Variants in DDX60 observed in about 807,000 individuals in gnomAD.
The protein encoded by DDX60 is DExD/H-box helicase 60.
Under a neutral mutation model 212.8 loss-of-function variants are expected in DDX60, and 165 were observed. The observed-to-expected ratio is 0.78, with a 90% confidence interval of 0.68 to 0.88. The LOEUF is 0.88. DDX60 is among the 40% of genes least tolerant of loss of function. The pLI is 0.00. For synonymous variants in DDX60, 703 were observed against 685.3 expected, an observed-to-expected ratio of 1.03 and a Z score of -0.40; for missense variants, 1,905 against 2,003.9, an observed-to-expected ratio of 0.95 and a Z score of 0.94.
upstream of DDX60, among the ~76,000 whole-genome samples, chr4:168,319,071 GAA>G (rs570176274): frequency 8.3e-4 from 126 of 152,242 alleles, no homozygotes; most frequent in African/African-American, 2.8e-3. Flanking sequence ...TCATCACAAA[GAA>G]ATAGTAAAGT....
rs550497152 is a variant in DDX60, at chr4:168,293,533, T to C, written c.882+254A>G. Among the ~76,000 whole-genome samples the C allele has an allele frequency of 6.6e-5, 10 of 152,334 alleles. No homozygotes were observed. The South Asian group carries it at 2.1e-3, about 32-fold the overall frequency. ...GCCTCCACCAAGTGCTAATATCCTG[T>C]CTTGTTTCATTTTCTTTTGGATGAT... On this transcript the variant is annotated intron_variant, in intron 7 of 37. Transcript: ENST00000393743.
At chr4:168,280,236 G>T in intron 14 of DDX60, 99 bp downstream of exon 14, 2 of 1,421,772 alleles carry the variant, frequency 1.4e-6, no homozygotes, top group Non-Finnish European at 1.9e-6. Context: ...GGGCATGTAA[G>T]TCTTCTAATG....
At chr4:168,315,770 G>A (rs1442457698) in intron 1 of DDX60, among the ~76,000 whole-genome samples, 1 of 152,080 alleles carries the variant, frequency 6.6e-6, no homozygotes, top group Admixed American at 6.6e-5. Context: ...TCTTTTTTAT[G>A]GCTGCATAGT....
intron 8 of DDX60, among the ~76,000 whole-genome samples, chr4:168,291,377 T>C (rs980886172): frequency 3.3e-5 from 5 of 152,194 alleles, no homozygotes; most frequent in Admixed American, 6.5e-5. Flanking sequence ...ATCCAAATTG[T>C]CTCTAAATAT....
At position 168,222,557 on chromosome 4, in the gene DDX60, G is replaced by GTTTATAA. The variant is rs758552041; in HGVS notation, c.4825-677_4825-676insTTATAAA. On this transcript the variant is annotated intron_variant, in intron 35 of 37. Transcript: ENST00000393743. ...GACTCCATGTACTATATGCAGATCAGTGATGCAAATTATAAACTGCAGCAA... is the reference window on the plus strand; with the variant it reads ...GACTCCATGTACTATATGCAGATCAGTTTATAATGATGCAAATTATAAACTGCAGCAA... Among the ~76,000 whole-genome samples, 7 of 152,126 alleles carry GTTTATAA rather than the reference G, an allele frequency of 4.6e-5. No individual in the cohort carries two copies. In the South Asian group the frequency reaches 1.2e-3, roughly 27 times the overall value.
intron 1 of DDX60, among the ~76,000 whole-genome samples, chr4:168,312,275 C>G (rs1408150378): frequency 6.6e-6 from 1 of 152,104 alleles, no homozygotes; most frequent in Non-Finnish European, 1.5e-5. Flanking sequence ...CATTTGTGAA[C>G]CACCTGAATT....
intron 37 of DDX60, 24 bp from the exon 38 acceptor site, chr4:168,217,056 G>C: frequency 6.7e-7 from 1 of 1,501,954 alleles, no homozygotes; most frequent in African/African-American, 1.4e-5. Context: ...AAAAAATATA[G>C]GATCCACTTT....
At chr4:168,256,113 G>A (rs987802190) in intron 25 of DDX60, among the ~76,000 whole-genome samples, 5 of 16,106 alleles carry the variant, frequency 3.1e-4, no homozygotes, top group Non-Finnish European at 6.5e-4. Context: ...ACCCCACCCC[G>A]CCACCCAGAC....
intron 25 of DDX60, among the ~76,000 whole-genome samples, chr4:168,257,357 G>C (rs1734455234): frequency 6.6e-6 from 1 of 151,976 alleles, no homozygotes. Context: ...TATTCTCAGT[G>C]ACTTCAGTAT....
intron 33 of DDX60, among the ~76,000 whole-genome samples, chr4:168,229,650 C>A (rs1473196209): frequency 2.0e-5 from 3 of 151,868 alleles, no homozygotes; most frequent in Non-Finnish European, 4.4e-5. Context: ...TCACAGATTG[C>A]CTGGAAATAA....
At chr4:168,224,034 C>T (rs769814031) in intron 35 of DDX60, among the ~76,000 whole-genome samples, 5 of 151,988 alleles carry the variant, frequency 3.3e-5, no homozygotes, top group Admixed American at 3.3e-4. Context: ...TGCCTGGAAA[C>T]TCTCTGAGCA....
In DDX60 at chr4:168,275,458, C is replaced by T. The variant is rs17853802; in HGVS notation, c.2191G>A (p.Val731Ile). The T allele has an allele frequency of 4.5e-3, 7,262 of 1,611,024 alleles. 29 individuals are homozygous for T. The highest frequency in any genetic ancestry group is 5.2e-3 in the Non-Finnish European group (6,091 of 1,178,636). ...TGGAACCGAGCTGGCCCAATGCCAA[C>T]TGAATATTTATTCCTTTTCTTCACT... ...VKVKKRNKYS[V>I]GIGPARFQLQ... Residue 731 changes from valine (V) to isoleucine (I), a missense_variant, in exon 16 of 38, where the codon GTT (valine) becomes ATT (isoleucine). Val to Ile is a conservative substitution (Grantham distance 29). Transcript: ENST00000393743.
rs1306730403 is a variant in DDX60, at chr4:168,309,436, A to AT, written c.75-1242dup. ...CTAACGTAAGGACCATTGTAAAAAAATTTTTTTAAAGAAATGAGTGAAGGC... is the reference window on the plus strand; with the variant it reads ...CTAACGTAAGGACCATTGTAAAAAAATTTTTTTTAAAGAAATGAGTGAAGGC... On this transcript the variant is annotated intron_variant, in intron 3 of 37. Transcript: ENST00000393743. 2.0e-5 allele frequency among the ~76,000 whole-genome samples: 3 copies of AT among 152,086 alleles called. No homozygotes were observed. In the East Asian group the frequency reaches 5.8e-4, roughly 29 times the overall value.
chr4:168,225,896 C>A (rs182850485), intron 33 of DDX60, among the ~76,000 whole-genome samples: 4 of 152,050 alleles, frequency 2.6e-5, no homozygotes, highest in African/African-American at 7.2e-5. Flanking sequence ...TTACTCATTA[C>A]CCTTAAAAAT....
chr4:168,220,473 A>G (rs1733013800), intron 37 of DDX60, 182 bp downstream of exon 37: 1 of 459,220 alleles, frequency 2.2e-6, no homozygotes, highest in Admixed American at 4.4e-5. Flanking sequence ...ATTCTGTTAT[A>G]GAAATAATAC....
At chr4:168,237,613 C>G (rs772717360) in intron 31 of DDX60, 78 bp downstream of exon 31, 14 of 1,337,072 alleles carry the variant, frequency 1.0e-5, no homozygotes, top group Non-Finnish European at 1.3e-5. Flanking sequence ...CTTCTAAAAG[C>G]TACAATTTGT....
intron 20 of DDX60, among the ~76,000 whole-genome samples, chr4:168,268,327 A>T (rs1446758257): frequency 6.6e-6 from 1 of 152,198 alleles, no homozygotes; most frequent in African/African-American, 2.4e-5. Context: ...CACTTAGAAC[A>T]GTACTGGGCA....
intron 6 of DDX60, among the ~76,000 whole-genome samples, chr4:168,300,672 G>C (rs1449522509): frequency 1.3e-5 from 2 of 151,786 alleles, no homozygotes; most frequent in Non-Finnish European, 2.9e-5. Context: ...AAAACAACCA[G>C]GAAATAGGTG....
intron 14 of DDX60, among the ~76,000 whole-genome samples, chr4:168,276,494 T>C (rs903729881): frequency 3.3e-5 from 5 of 152,244 alleles, no homozygotes; most frequent in Non-Finnish European, 5.9e-5. Context: ...TTTATTTTCA[T>C]ATGTGCTCTA....
Sources: gnomAD v4.1 joint callset for allele counts (sites outside exome capture counted in the v4.1 genomes callset) on GRCh38, gnomAD v4.1.1 for gene constraint, MANE v1.5 for transcripts, NCBI Gene and HGNC (gene_info 2026-07-23, HGNC 2026-07-21) for gene names.